CDH13: variants seen among roughly 807,000 people sequenced by gnomAD.
The protein encoded by CDH13 is cadherin-13.
Under a neutral mutation model 63.8 loss-of-function variants are expected in CDH13, and 24 were observed. That is an observed-to-expected ratio of 0.38 (90% CI 0.27 to 0.53). The LOEUF (loss-of-function observed/expected upper bound fraction) is 0.53, where lower values mean the gene tolerates loss of function less well. Ranked by LOEUF, CDH13 falls within the 20% of genes least tolerant of loss-of-function variation. The pLI is 0.85. For synonymous variants in CDH13, 503 were observed against 355.3 expected, an observed-to-expected ratio of 1.42 and a Z score of -4.67; for missense variants, 1,049 against 903.1, an observed-to-expected ratio of 1.16 and a Z score of -2.07.
At chr16:83,090,915 C>T (rs1378023506) in intron 3 of CDH13, among the ~76,000 whole-genome samples, 1 of 150,768 alleles carries the variant, frequency 6.6e-6, no homozygotes, top group African/African-American at 2.4e-5. Flanking sequence ...CATTTGGGAA[C>T]CCCCAGCAAA....
chr16:83,716,772 G>GC (rs1325191032), intron 10 of CDH13, among the ~76,000 whole-genome samples: 1 of 152,070 alleles, frequency 6.6e-6, no homozygotes, highest in East Asian at 1.9e-4. Flanking sequence ...ATGAGCCACC[G>GC]CACCCGCCCT....
chr16:82,777,466 G>A (rs1475063721), intron 1 of CDH13, among the ~76,000 whole-genome samples: 1 of 152,204 alleles, frequency 6.6e-6, no homozygotes, highest in African/African-American at 2.4e-5. Flanking sequence ...GTGCCTCCAA[G>A]AGTTGTGCCC....
chr16:83,176,780 A>C (rs2038143008), intron 4 of CDH13, among the ~76,000 whole-genome samples: 1 of 152,126 alleles, frequency 6.6e-6, no homozygotes, highest in African/African-American at 2.4e-5. Flanking sequence ...GCAGAAGTTT[A>C]ATCCCTAAGG....
At chr16:83,179,841 G>C (rs28602972) in intron 4 of CDH13, among the ~76,000 whole-genome samples, 2,449 of 151,498 alleles carry the variant, frequency 0.016, 80 homozygotes, top group African/African-American at 0.056. Flanking sequence ...GCATTCCTTA[G>C]CATCAAACTA....
intron 7 of CDH13, among the ~76,000 whole-genome samples, chr16:83,497,067 T>A (rs927092825): frequency 6.6e-6 from 1 of 152,184 alleles, no homozygotes; most frequent in Non-Finnish European, 1.5e-5. Context: ...TTGGTGGGAC[T>A]GTAAAGTAGT....
intron 2 of CDH13, among the ~76,000 whole-genome samples, chr16:82,938,067 G>A (rs2042723895): frequency 6.6e-6 from 1 of 152,198 alleles, no homozygotes; most frequent in African/African-American, 2.4e-5. Flanking sequence ...AGCTGCAACA[G>A]CGGTAGCAAC....
chr16:83,078,784 GT>G (rs555747250), intron 3 of CDH13, among the ~76,000 whole-genome samples: 22 of 152,202 alleles, frequency 1.4e-4, no homozygotes, highest in African/African-American at 5.3e-4. Context: ...TTGTTTGTTT[GT>G]TTGTTTTGGT....
At chr16:83,566,689 G>A (rs1904284003) in intron 7 of CDH13, among the ~76,000 whole-genome samples, 4 of 152,170 alleles carry the variant, frequency 2.6e-5, no homozygotes, top group Admixed American at 2.6e-4. Flanking sequence ...GCAAAGCCCT[G>A]CTCTCCAGCT....
At chr16:83,276,647 G>C (rs1256536810) in intron 5 of CDH13, among the ~76,000 whole-genome samples, 1 of 152,090 alleles carries the variant, frequency 6.6e-6, no homozygotes, top group Non-Finnish European at 1.5e-5. Context: ...AAGTCGGGAG[G>C]ATCACGAGTT....
At chr16:83,467,034 C>G (rs951011461) in intron 6 of CDH13, among the ~76,000 whole-genome samples, 1 of 152,146 alleles carries the variant, frequency 6.6e-6, no homozygotes, top group Non-Finnish European at 1.5e-5. Flanking sequence ...ATCCAGGACT[C>G]CAGCCACAAT....
intron 6 of CDH13, among the ~76,000 whole-genome samples, chr16:83,473,324 CAT>C (rs1386603506): frequency 3.3e-5 from 5 of 152,246 alleles, no homozygotes; most frequent in African/African-American, 7.2e-5. Context: ...TTGGAGAACA[CAT>C]GTTTGCAAAA....
At chr16:82,873,154 A>G (rs1352964250) in intron 2 of CDH13, among the ~76,000 whole-genome samples, 2 of 152,192 alleles carry the variant, frequency 1.3e-5, no homozygotes, top group Non-Finnish European at 2.9e-5. Flanking sequence ...AATCAATGGT[A>G]TAAACACTTA....
At chr16:83,035,093 GA>G (rs60226217) in intron 3 of CDH13, among the ~76,000 whole-genome samples, 38,921 of 150,060 alleles carry the variant, frequency 0.26, 5,485 homozygotes, top group African/African-American at 0.38. Context: ...CTCAAAAAAG[GA>G]AAAAAAAATA....
chr16:82,934,953 C>T (rs1289185159), intron 2 of CDH13, among the ~76,000 whole-genome samples: 1 of 152,178 alleles, frequency 6.6e-6, no homozygotes, highest in Admixed American at 6.5e-5. Flanking sequence ...CCAAACTGTT[C>T]CAACCTCTGC....
chr16:82,850,814 G>A (rs1247678785), intron 1 of CDH13, among the ~76,000 whole-genome samples: 1 of 152,192 alleles, frequency 6.6e-6, no homozygotes, highest in Non-Finnish European at 1.5e-5. Context: ...ACAACCACTT[G>A]TTGAAGGCTC....
chr16:83,216,786 C>T (rs1330011939), intron 4 of CDH13, among the ~76,000 whole-genome samples: 1 of 148,880 alleles, frequency 6.7e-6, no homozygotes, highest in Non-Finnish European at 1.5e-5. Flanking sequence ...TATATATAAG[C>T]CCCCTAAATA....
intron 4 of CDH13, among the ~76,000 whole-genome samples, chr16:83,191,528 CACATAT>C (rs1261133670): frequency 0.042 from 2,913 of 69,872 alleles, 57 homozygotes; most frequent in Non-Finnish European, 0.062. Context: ...CACACACACA[CACATAT>C]ATATATATAT....
At chr16:83,034,349 G>A (rs946199881) in intron 3 of CDH13, among the ~76,000 whole-genome samples, 4 of 152,106 alleles carry the variant, frequency 2.6e-5, no homozygotes, top group Non-Finnish European at 5.9e-5. Context: ...GTGAAGCTGT[G>A]AGTTAAGGAT....
intron 5 of CDH13, among the ~76,000 whole-genome samples, chr16:83,269,351 G>A (rs184754723): frequency 1.9e-3 from 290 of 152,270 alleles, no homozygotes; most frequent in Non-Finnish European, 3.3e-3. Context: ...ATTATGCAAT[G>A]CATTACTGCT....
Sources: allele counts gnomAD v4.1 joint callset (sites outside exome capture counted in the v4.1 genomes callset), GRCh38; gene constraint gnomAD v4.1.1; transcripts MANE v1.5; gene names NCBI Gene and HGNC (gene_info 2026-07-23, HGNC 2026-07-21).